ADAM2: variants seen among roughly 807,000 people sequenced by gnomAD.
ADAM2 encodes disintegrin and metalloproteinase domain-containing protein 2.
A neutral mutation model predicts 99.3 loss-of-function variants in ADAM2; 101 were observed. The observed-to-expected ratio is 1.02, with a 90% confidence interval of 0.87 to 1.20. The LOEUF is 1.20. Ranked by LOEUF, ADAM2 falls within the 50% of genes most tolerant of loss-of-function variation. ADAM2 has a pLI of 0.00. For synonymous variants in ADAM2, 323 were observed against 287.6 expected, an observed-to-expected ratio of 1.12 and a Z score of -1.25; for missense variants, 948 against 878.7, an observed-to-expected ratio of 1.08 and a Z score of -1.00.
chr8:39,838,076 A>T (rs943410042), intron 1 of ADAM2, 55 bp downstream of exon 1: 2 of 1,580,300 alleles, frequency 1.3e-6, no homozygotes, highest in Non-Finnish European at 1.7e-6. Context: ...TTGGAGGCAA[A>T]GGGAGAGTAG....
chr8:39,746,540 C>G lies in ADAM2; in HGVS notation c.2106G>C (p.Leu702=). The change falls in exon 19 of 21, where the codon CTG becomes CTC. Residue 702 remains leucine, a synonymous_variant. Coordinates refer to ENST00000265708, the MANE Select transcript of ADAM2 (RefSeq NM_001464.5). ...FIPFFIIFCV[L]IAIMVKVNFQ... ...AATTAACTTTCACCATTATAGCAATCAGTACACAGAAAATAATAAAGAAAG... is the reference window on the plus strand; with the variant it reads ...AATTAACTTTCACCATTATAGCAATGAGTACACAGAAAATAATAAAGAAAG... 6.2e-7 allele frequency: 1 copy of G among 1,604,666 alleles called. No individual in the cohort carries two copies. The highest frequency in any genetic ancestry group is 8.5e-7 in the Non-Finnish European group (1 of 1,175,470).
intron 2 of ADAM2, among the ~76,000 whole-genome samples, chr8:39,836,247 A>G (rs62511210): frequency 0.072 from 10,973 of 151,936 alleles, 457 homozygotes; most frequent in Non-Finnish European, 0.093. Flanking sequence ...ATAACAATCA[A>G]GTTATTCTTG....
intron 11 of ADAM2, chr8:39,774,792 A>G (rs1045817763): frequency 1.4e-4 from 21 of 152,138 alleles, no homozygotes; most frequent in Non-Finnish European, 2.6e-4. Context: ...TGTAATCATT[A>G]TAATCAACAT....
At chr8:39,802,438 C>G (rs145923371) in intron 7 of ADAM2, among the ~76,000 whole-genome samples, 2,311 of 152,304 alleles carry the variant, frequency 0.015, 31 homozygotes, top group South Asian at 0.027. Flanking sequence ...GCCCCCCCAC[C>G]TCATTATTAG....
intron 5 of ADAM2, 92 bp from the exon 6 acceptor site, chr8:39,821,262 A>G: frequency 1.1e-6 from 1 of 918,356 alleles, no homozygotes; most frequent in Non-Finnish European, 1.6e-6. Flanking sequence ...CATGGTATGC[A>G]GATTATTTTT....
intron 18 of ADAM2, 95 bp from the exon 19 acceptor site, chr8:39,746,726 T>G: frequency 1.0e-6 from 1 of 974,950 alleles, no homozygotes; most frequent in Non-Finnish European, 1.5e-6. Context: ...ATAAAATCTT[T>G]GAACAATTTA....
chr8:39,774,776 A>T (rs1802921805), intron 11 of ADAM2: 1 of 152,218 alleles, frequency 6.6e-6, no homozygotes, highest in South Asian at 2.1e-4. Flanking sequence ...TTACCATTAC[A>T]ACTATTGTAA....
intron 16 of ADAM2, among the ~76,000 whole-genome samples, chr8:39,752,645 T>G (rs1257236176): frequency 6.6e-6 from 1 of 152,084 alleles, no homozygotes; most frequent in East Asian, 1.9e-4. Flanking sequence ...GGCAAAAGAT[T>G]ACGGTGGAGA....
intron 3 of ADAM2, 54 bp from the exon 4 acceptor site, chr8:39,824,951 A>G: frequency 2.4e-6 from 2 of 816,584 alleles, no homozygotes; most frequent in Non-Finnish European, 4.1e-6. Flanking sequence ...TTGTTTTGAA[A>G]CATTTATTTT....
intron 6 of ADAM2, among the ~76,000 whole-genome samples, chr8:39,810,582 C>G (rs533532847): frequency 6.6e-6 from 1 of 151,820 alleles, no homozygotes; most frequent in African/African-American, 2.4e-5. Flanking sequence ...ATAACAAACT[C>G]TCTCTCAGAC....
chr8:39,822,044 C>A (rs1329567647), intron 4 of ADAM2, among the ~76,000 whole-genome samples: 3 of 152,044 alleles, frequency 2.0e-5, no homozygotes, highest in Non-Finnish European at 4.4e-5. Flanking sequence ...TTTGTATTTA[C>A]TTTTGCTTTA....
intron 10 of ADAM2, among the ~76,000 whole-genome samples, chr8:39,782,885 A>G (rs1803291834): frequency 6.6e-6 from 1 of 152,106 alleles, no homozygotes; most frequent in African/African-American, 2.4e-5. Context: ...ATTATCCTTA[A>G]AACTTATTTC....
At chr8:39,792,707 G>T (rs1311194287) in intron 7 of ADAM2, among the ~76,000 whole-genome samples, 1 of 151,592 alleles carries the variant, frequency 6.6e-6, no homozygotes, top group Non-Finnish European at 1.5e-5. Flanking sequence ...AAAGTATTTT[G>T]TCAAAAAAAA....
chr8:39,833,848 A>C (rs1014648331), intron 3 of ADAM2, 96 bp downstream of exon 3: 5 of 743,388 alleles, frequency 6.7e-6, no homozygotes, highest in African/African-American at 5.3e-5. Flanking sequence ...GAAGCTAGAA[A>C]TATTTTCAAA....
Position 39,820,810 on chromosome 8 carries a change from T to A in ADAM2, c.513+192A>T, listed in dbSNP as rs116012532. On this transcript the variant is annotated intron_variant, in intron 6 of 20. Transcript: ENST00000265708. Reference sequence around the variant, plus strand: ...CAGTTGAAAATGTCATGATTGGAGTTCTGGAAAATTACAAAACTAGTTTTA... The same window carrying A: ...CAGTTGAAAATGTCATGATTGGAGTACTGGAAAATTACAAAACTAGTTTTA... 5.1e-3 allele frequency among the ~76,000 whole-genome samples: 774 copies of A among 152,262 alleles called. 6 individuals carry two copies. The highest frequency in any genetic ancestry group is 0.017 in the African/African-American group (725 of 41,560).
intron 18 of ADAM2, 44 bp from the exon 19 acceptor site, chr8:39,746,675 ATATAG>A (rs1823479955): frequency 6.9e-7 from 1 of 1,458,826 alleles, no homozygotes; most frequent in Non-Finnish European, 9.3e-7. Context: ...AGCACCAGAA[ATATAG>A]TAAAGATATT....
chr8:39,777,030 T>C lies in ADAM2; in HGVS notation c.1023A>G (p.Glu341=). 6.4e-7 allele frequency: 1 copy of C among 1,565,790 alleles called. No homozygotes were observed. Among genetic ancestry groups the C allele is most frequent in the Non-Finnish European group, 8.8e-7 (1 of 1,138,012 alleles). The part of the protein sequence containing the change: ...CSGAVCIMNP[E]AIHFSGVKIF... Reference sequence around the variant, plus strand: ...ATAAAAGTCAGAAATCTTACATTGCTTCTGGATTCATAATGCAGACAGCTC... The same window carrying C: ...ATAAAAGTCAGAAATCTTACATTGCCTCTGGATTCATAATGCAGACAGCTC... The change falls in exon 11 of 21, where the codon GAA becomes GAG. Residue 341 remains glutamate (E), a synonymous_variant. Transcript: ENST00000265708.
intron 11 of ADAM2, among the ~76,000 whole-genome samples, chr8:39,776,599 C>G (rs1337826364): frequency 6.6e-6 from 1 of 152,050 alleles, no homozygotes; most frequent in East Asian, 1.9e-4. Context: ...AAACGACTTT[C>G]TCTCATGACA....
At chr8:39,831,504 A>G (rs572214107) in intron 3 of ADAM2, among the ~76,000 whole-genome samples, 121 of 152,312 alleles carry the variant, frequency 7.9e-4, no homozygotes, top group African/African-American at 2.6e-3. Flanking sequence ...CAAAGCTTGA[A>G]AATTGGGAGA....
Sources: gnomAD v4.1 joint callset for allele counts (sites outside exome capture counted in the v4.1 genomes callset) on GRCh38, gnomAD v4.1.1 for gene constraint, MANE v1.5 for transcripts, NCBI Gene and HGNC (gene_info 2026-07-23, HGNC 2026-07-21) for gene names.